TRPM3: variants seen among roughly 807,000 people sequenced by gnomAD.
TRPM3 encodes the protein transient receptor potential cation channel subfamily M member 3, also known as long transient receptor potential channel 3.
Under a neutral mutation model 181.2 loss-of-function variants are expected in TRPM3, and 77 were observed. The ratio of observed to expected loss-of-function variants is 0.42; its 90% confidence interval spans 0.35 to 0.51. The LOEUF (loss-of-function observed/expected upper bound fraction) is 0.51. Ranked by LOEUF, TRPM3 falls within the 20% of genes least tolerant of loss-of-function variation. The pLI is 0.01. For missense variants in TRPM3, 1,759 were observed against 2,196.7 expected, an observed-to-expected ratio of 0.80 and a Z score of 3.98; for synonymous variants, 745 against 796.4, an observed-to-expected ratio of 0.94 and a Z score of 1.09.
Position 70,537,361 on chromosome 9 carries a change from T to C in TRPM3, c.3752A>G (p.Glu1251Gly). 1.3e-6 allele frequency: 2 copies of C among 1,497,140 alleles called. No homozygotes were observed. Among genetic ancestry groups the C allele is most frequent in the Non-Finnish European group, 1.8e-6 (2 of 1,122,108 alleles). 92.7% of individuals were successfully genotyped at this position (1,497,140 alleles called of 1,614,324 possible). The change falls in exon 26 of 26, where the codon GAG (glutamate) becomes GGG (glycine). Residue 1251 changes from glutamate (E) to glycine (G), a missense_variant. Physicochemically the swap from Glu to Gly is moderately conservative, Grantham distance 98. Transcript: ENST00000677713. ...CTGGAGTGAAGCCTTCATGGAGTGC[T>C]CTCTCTCGTTGACTTCCTCCAGCCG... ...SMRLEEVNER[E>G]HSMKASLQTV...
At chr9:70,951,743 C>G (rs1208037896) in intron 1 of TRPM3, among the ~76,000 whole-genome samples, 1 of 152,288 alleles carries the variant, frequency 6.6e-6, no homozygotes, top group East Asian at 1.9e-4. Flanking sequence ...ATTTCTGTTA[C>G]AGTAAATGCT....
At chr9:71,434,247 C>T (rs529411714) in intron 1 of TRPM3, among the ~76,000 whole-genome samples, 3 of 152,168 alleles carry the variant, frequency 2.0e-5, no homozygotes, top group African/African-American at 7.2e-5. Context: ...ACTTAGTTCC[C>T]AAGGTGATGA....
At chr9:70,862,359 A>C (rs557440815) in intron 3 of TRPM3, among the ~76,000 whole-genome samples, 1 of 152,304 alleles carries the variant, frequency 6.6e-6, no homozygotes, top group South Asian at 2.1e-4. Flanking sequence ...TTTATGTGGA[A>C]TCTTCTAATG....
chr9:71,421,753 C>A, intron 1 of TRPM3, among the ~76,000 whole-genome samples: 1 of 151,966 alleles, frequency 6.6e-6, no homozygotes, highest in East Asian at 1.9e-4. Context: ...TGGGACTGTG[C>A]CGAGTGCTGT....
chr9:70,684,006 TC>T (rs2066152559), intron 8 of TRPM3, among the ~76,000 whole-genome samples: 1 of 152,200 alleles, frequency 6.6e-6, no homozygotes, highest in African/African-American at 2.4e-5. Flanking sequence ...CAGGATAACA[TC>T]AGAGTTCATT....
chr9:70,869,006 C>T, intron 1 of TRPM3: 1 of 985,200 alleles, frequency 1.0e-6, no homozygotes, highest in Non-Finnish European at 1.2e-6. Flanking sequence ...ATTCTGGGTA[C>T]TGGCAAAAGC....
rs2064165230 is a variant in TRPM3 at position 71,080,686 on chromosome 9, G to T, written c.177+40492C>A. 2.6e-5 allele frequency among the ~76,000 whole-genome samples: 4 copies of T among 152,144 alleles called. No individual in the cohort carries two copies. In the South Asian group the frequency reaches 8.3e-4, roughly 32 times the overall value. ...CCCTCTCCCCAAGTCTCTCCTTCAG[G>T]GTCCTAGGTGCACTCAGCTAGTAAG... On this transcript the variant is annotated intron_variant, in intron 1 of 25. Coordinates refer to ENST00000677713, the MANE Select transcript of TRPM3 (RefSeq NM_001366145.2).
chr9:70,941,863 G>T (rs1320322285), intron 1 of TRPM3, among the ~76,000 whole-genome samples: 1 of 151,874 alleles, frequency 6.6e-6, no homozygotes, highest in Non-Finnish European at 1.5e-5. Flanking sequence ...TTACTCTTTG[G>T]CTTGATTCTT....
chr9:70,546,294 T>C (rs1332459226), intron 25 of TRPM3, among the ~76,000 whole-genome samples: 1 of 152,208 alleles, frequency 6.6e-6, no homozygotes, highest in Admixed American at 6.5e-5. Context: ...GGAAACATTT[T>C]AGAAGTGCAA....
intron 1 of TRPM3, among the ~76,000 whole-genome samples, chr9:71,075,757 A>T (rs1267371665): frequency 6.6e-6 from 1 of 152,226 alleles, no homozygotes; most frequent in Non-Finnish European, 1.5e-5. Flanking sequence ...ATTCCAATTT[A>T]GGGAAAACTG....
intron 1 of TRPM3, among the ~76,000 whole-genome samples, chr9:71,215,033 C>CAAAAAAAAAAA (rs67349189): frequency 1.2e-4 from 13 of 105,832 alleles, no homozygotes; most frequent in Admixed American, 1.9e-4. Flanking sequence ...CACCAAAAAA[C>CAAAAAAAAAAA]AAAAAAAAAA....
At chr9:70,677,968 C>T (rs904171977) in intron 9 of TRPM3, among the ~76,000 whole-genome samples, 1 of 149,764 alleles carries the variant, frequency 6.7e-6, no homozygotes, top group Non-Finnish European at 1.5e-5. Flanking sequence ...GTAAGACACA[C>T]TTATAAGTAT....
intron 1 of TRPM3, among the ~76,000 whole-genome samples, chr9:71,135,641 T>C (rs2074717648): frequency 6.6e-6 from 1 of 152,186 alleles, no homozygotes; most frequent in Non-Finnish European, 1.5e-5. Flanking sequence ...ACAGAGCTCA[T>C]GCAACAAGAA....
upstream of TRPM3, among the ~76,000 whole-genome samples, chr9:71,126,509 C>A (rs1388624408): frequency 6.6e-6 from 1 of 152,048 alleles, no homozygotes; most frequent in African/African-American, 2.4e-5. Context: ...AATATTAGAT[C>A]TCTTTATAGA....
At chr9:71,362,329 A>G (rs2092183287) in intron 1 of TRPM3, among the ~76,000 whole-genome samples, 1 of 152,216 alleles carries the variant, frequency 6.6e-6, no homozygotes, top group Non-Finnish European at 1.5e-5. Flanking sequence ...ACCTAAGGAT[A>G]CTGACCTCAG....
At chr9:71,282,853 T>C (rs1465510172) in intron 1 of TRPM3, among the ~76,000 whole-genome samples, 1 of 152,152 alleles carries the variant, frequency 6.6e-6, no homozygotes, top group African/African-American at 2.4e-5. Flanking sequence ...GTGTGTATGC[T>C]ACCAGCTTTA....
intron 11 of TRPM3, among the ~76,000 whole-genome samples, chr9:70,635,960 C>A (rs113420777): frequency 5.3e-5 from 8 of 152,132 alleles, no homozygotes; most frequent in Non-Finnish European, 1.2e-4. Flanking sequence ...ACCCATTGAC[C>A]GCACTGGAAA....
intron 1 of TRPM3, among the ~76,000 whole-genome samples, chr9:71,429,132 T>C (rs1391589884): frequency 1.3e-5 from 2 of 152,196 alleles, no homozygotes; most frequent in East Asian, 1.9e-4. Flanking sequence ...ACTGTTCTCC[T>C]TAACTCATTT....
intron 1 of TRPM3, chr9:70,917,214 T>C: frequency 1.3e-6 from 2 of 1,596,888 alleles, no homozygotes; most frequent in South Asian, 1.1e-5. Context: ...AAGTCCTGGA[T>C]TGCAAAATAC....
Sources: allele counts gnomAD v4.1 joint callset (sites outside exome capture counted in the v4.1 genomes callset), GRCh38; gene constraint gnomAD v4.1.1; transcripts MANE v1.5; gene names NCBI Gene and HGNC (gene_info 2026-07-23, HGNC 2026-07-21).